TG: variants seen among roughly 807,000 people sequenced by gnomAD.
The protein encoded by TG is thyroglobulin, also known as thyroid hormones.
Under a neutral mutation model 324.7 loss-of-function variants are expected in TG, and 270 were observed. The observed-to-expected ratio is 0.83, with a 90% CI of 0.75 to 0.92. The LOEUF (loss-of-function observed/expected upper bound fraction) is 0.92. TG is among the 40% of genes least tolerant of loss of function. The probability of loss-of-function intolerance (pLI) is 0.00; values close to 1 mark genes in which losing one functional copy is unlikely to be tolerated. For synonymous variants in TG, 1,401 were observed against 1,327.0 expected (o/e 1.06, Z -1.21); for missense variants, 3,591 against 3,456.4 (o/e 1.04, Z -0.98).
chr8:133,095,308 A>G, intron 42 of TG, 100 bp downstream of exon 42: 1 of 1,535,422 alleles, frequency 6.5e-7, no homozygotes, highest in African/African-American at 1.4e-5. Context: ...CAGCCATACC[A>G]CACATGAGGC....
intron 23 of TG, 134 bp from the exon 24 acceptor site, chr8:132,933,427 T>G: frequency 2.2e-6 from 1 of 463,126 alleles, no homozygotes; most frequent in African/African-American, 6.1e-5. Flanking sequence ...TTTGTGTATC[T>G]GCATATTTGT....
chr8:132,868,080 C>A (rs1180580966), intron 1 of TG, 35 bp from the exon 2 acceptor site: 4 of 1,596,310 alleles, frequency 2.5e-6, no homozygotes, highest in Non-Finnish European at 3.4e-6. Flanking sequence ...GCCCAGTCCA[C>A]ACTCTTCTTT....
chr8:132,893,411 G>T (rs1563919798), intron 10 of TG, among the ~76,000 whole-genome samples: 1 of 138,188 alleles, frequency 7.2e-6, no homozygotes, highest in Non-Finnish European at 1.6e-5. Flanking sequence ...TATGTGTGTG[G>T]TGTGGTGTGT....
In TG at chr8:132,868,159, A is replaced by C. The variant is rs747248982; in HGVS notation, c.112A>C (p.Arg38=). ...AQPLRPCELQ[R]ETAFLKQADY... ...GCCCCTTCGTCCCTGTGAGCTGCAG[A>C]GGGAAACGGCCTTTCTGAAGCAAGC... The change falls in exon 2 of 48, where the codon AGG becomes CGG. Residue 38 remains arginine, a synonymous_variant. Transcript: ENST00000220616. 2 of 1,614,156 alleles carry C rather than the reference A, an allele frequency of 1.2e-6. No homozygotes were observed. Among genetic ancestry groups the C allele is most frequent in the Non-Finnish European group, 1.7e-6 (2 of 1,180,034 alleles).
At chr8:133,040,160 G>A in intron 41 of TG, 1 of 1,567,598 alleles carries the variant, frequency 6.4e-7, no homozygotes, top group Non-Finnish European at 8.6e-7. Flanking sequence ...GCCGGTCAGG[G>A]ACCCTGGGGA....
intron 26 of TG, among the ~76,000 whole-genome samples, chr8:132,942,110 A>G (rs1323786348): frequency 1.3e-5 from 2 of 152,182 alleles, no homozygotes; most frequent in East Asian, 1.9e-4. Context: ...AAATAAATTC[A>G]TGTACTCAGC....
intron 45 of TG, among the ~76,000 whole-genome samples, chr8:133,124,827 C>T (rs192576751): frequency 2.3e-4 from 35 of 152,344 alleles, no homozygotes; most frequent in African/African-American, 6.7e-4. Flanking sequence ...ACTACACTTG[C>T]GTTCTAGACA....
chr8:132,887,944 A>T, intron 9 of TG, 40 bp from the exon 10 acceptor site: 2 of 1,571,328 alleles, frequency 1.3e-6, no homozygotes, highest in African/African-American at 1.4e-5. Flanking sequence ...AGTTTGTTAA[A>T]TTTCTTAAAC....
chr8:133,094,241 T>C (rs1848052466), intron 41 of TG, among the ~76,000 whole-genome samples: 1 of 116,566 alleles, frequency 8.6e-6, no homozygotes, highest in Non-Finnish European at 1.8e-5. Flanking sequence ...CCTGTCGTTT[T>C]CTTTTTTTTT....
chr8:133,007,294 T>C (rs73359328), intron 35 of TG, among the ~76,000 whole-genome samples: 2,911 of 152,126 alleles, frequency 0.019, 99 homozygotes, highest in African/African-American at 0.066. Flanking sequence ...AGAGTTGACT[T>C]TGTAAGTTTT....
intron 31 of TG, among the ~76,000 whole-genome samples, 192 bp from the exon 32 acceptor site, chr8:132,969,266 T>A (rs374797104): frequency 0.023 from 3,500 of 152,140 alleles, 154 homozygotes; most frequent in African/African-American, 0.079. Context: ...TCCACTTTTT[T>A]AAAAAAAATC....
chr8:133,130,729 C>T (rs1300985650), intron 45 of TG, among the ~76,000 whole-genome samples: 1 of 152,210 alleles, frequency 6.6e-6, no homozygotes, highest in African/African-American at 2.4e-5. Context: ...GAACTCCAGA[C>T]ATTGTCAGAT....
intron 41 of TG, chr8:133,049,813 C>A (rs1308539449): frequency 5.2e-5 from 48 of 920,552 alleles, no homozygotes; most frequent in Non-Finnish European, 7.4e-5. Context: ...CCTTCCTTAC[C>A]ACTATGAATG....
At chr8:132,959,507 G>T (rs1311583449) in intron 27 of TG, among the ~76,000 whole-genome samples, 1 of 152,158 alleles carries the variant, frequency 6.6e-6, no homozygotes, top group African/African-American at 2.4e-5. Context: ...GACTTTTTTT[G>T]TATGAAAAAT....
intron 26 of TG, among the ~76,000 whole-genome samples, chr8:132,948,067 A>G (rs1158540720): frequency 6.6e-6 from 1 of 152,224 alleles, no homozygotes; most frequent in African/African-American, 2.4e-5. Flanking sequence ...TCCTAGGCAT[A>G]TGGACACACA....
At chr8:133,050,551 T>G in intron 41 of TG, 1 of 383,782 alleles carries the variant, frequency 2.6e-6, no homozygotes, top group Non-Finnish European at 4.7e-6. Flanking sequence ...AAGAAGAATA[T>G]GAGAAGAGGC....
At chr8:133,038,998 C>T in intron 41 of TG, among the ~76,000 whole-genome samples, 1 of 152,152 alleles carries the variant, frequency 6.6e-6, no homozygotes, top group Non-Finnish European at 1.5e-5. Context: ...CCTCCTTAGC[C>T]TCCTGAGTAG....
intron 26 of TG, among the ~76,000 whole-genome samples, chr8:132,946,207 A>C (rs965558728): frequency 3.9e-5 from 6 of 152,202 alleles, no homozygotes; most frequent in Admixed American, 1.3e-4. Flanking sequence ...AGACCATATG[A>C]TTTTTTTCAA....
rs561473386 is a variant in TG, at chr8:133,050,138, A to G, written c.7239+20115A>G. The G allele has an allele frequency of 1.5e-5, 10 of 662,208 alleles. No homozygotes were observed. In the African/African-American group the frequency reaches 1.8e-4, roughly 12 times the overall value. The allele number at this position is 662,208 out of a possible 1,614,324, so 41.0% of individuals were successfully genotyped here. Reference sequence around the variant, plus strand: ...TGGCCACGTTAACCCATATTTCGTCATCTGAAAATTTTCTTTTTAAAGGAT... The same window carrying G: ...TGGCCACGTTAACCCATATTTCGTCGTCTGAAAATTTTCTTTTTAAAGGAT... On this transcript the variant is annotated intron_variant, in intron 41 of 47. Coordinates refer to ENST00000220616, the MANE Select transcript of TG (RefSeq NM_003235.5).
Sources: gnomAD v4.1 joint callset for allele counts (sites outside exome capture counted in the v4.1 genomes callset) on GRCh38, gnomAD v4.1.1 for gene constraint, MANE v1.5 for transcripts, NCBI Gene and HGNC (gene_info 2026-07-23, HGNC 2026-07-21) for gene names.